Variants in ALDH8A1 observed in about 807,000 individuals in gnomAD.
The protein encoded by ALDH8A1 is 2-aminomuconic semialdehyde dehydrogenase.
A neutral mutation model predicts 43.3 loss-of-function variants in ALDH8A1; 39 were observed. That is an observed-to-expected ratio of 0.90 (90% CI 0.70 to 1.18). The LOEUF (loss-of-function observed/expected upper bound fraction) is 1.18. ALDH8A1 is among the 50% of genes most tolerant of loss of function. The pLI, the probability that ALDH8A1 is intolerant of heterozygous loss-of-function variation, is 0.00. For missense variants in ALDH8A1, 605 were observed against 622.6 expected, an observed-to-expected ratio of 0.97 and a Z score of 0.30; for synonymous variants, 233 against 243.5, an observed-to-expected ratio of 0.96 and a Z score of 0.40.
At position 134,932,765 on chromosome 6, in the gene ALDH8A1, C is replaced by T. The variant is rs751879096; in HGVS notation, c.849+11G>A. Reference sequence around the variant, plus strand: ...CATGGAGGGGAGGGAGAAGAACCCCCGGGGACATACCTGGTTGGCAAAGCT... The same window carrying T: ...CATGGAGGGGAGGGAGAAGAACCCCTGGGGACATACCTGGTTGGCAAAGCT... On this transcript the variant is annotated intron_variant, in intron 5 of 6. Coordinates refer to ENST00000265605, the MANE Select transcript of ALDH8A1 (RefSeq NM_022568.4). The T allele has an allele frequency of 4.2e-5, 67 of 1,612,606 alleles. No homozygotes were observed. The highest frequency in any genetic ancestry group is 9.9e-5 in the South Asian group (9 of 90,834).
intron 5 of ALDH8A1, among the ~76,000 whole-genome samples, chr6:134,929,656 G>A (rs1427223884): frequency 6.6e-6 from 1 of 152,126 alleles, no homozygotes; most frequent in African/African-American, 2.4e-5. Flanking sequence ...ATGAACTGGT[G>A]TGCATGAGGA....
intron 2 of ALDH8A1, among the ~76,000 whole-genome samples, chr6:134,943,562 A>C (rs1773898388): frequency 6.6e-6 from 1 of 152,236 alleles, no homozygotes; most frequent in East Asian, 1.9e-4. Context: ...CCTTTCATCC[A>C]ATGAACAGAG....
intron 1 of ALDH8A1, chr6:134,944,216 T>C: frequency 5.0e-6 from 2 of 397,122 alleles, no homozygotes; most frequent in South Asian, 4.0e-5. Flanking sequence ...TACAGGCATG[T>C]GCCACCATGC....
At chr6:134,938,620 T>C (rs141166098) in intron 4 of ALDH8A1, among the ~76,000 whole-genome samples, 23 of 40,218 alleles carry the variant, frequency 5.7e-4, no homozygotes, top group African/African-American at 1.3e-3. Flanking sequence ...TTCAAGATTT[T>C]ATTTTATTAT....
chr6:134,946,894 A>G (rs1356356926), intron 1 of ALDH8A1, among the ~76,000 whole-genome samples: 1 of 152,134 alleles, frequency 6.6e-6, no homozygotes, highest in Non-Finnish European at 1.5e-5. Flanking sequence ...GGATCATAAT[A>G]GAGACTTCTA....
chr6:134,923,264 A>G (rs1776834325), intron 6 of ALDH8A1, among the ~76,000 whole-genome samples: 1 of 152,046 alleles, frequency 6.6e-6, no homozygotes, highest in Non-Finnish European at 1.5e-5. Context: ...ACCTGGGCTC[A>G]AGTGATCTTC....
At chr6:134,927,359 G>A (rs1213363564) in intron 6 of ALDH8A1, among the ~76,000 whole-genome samples, 1 of 152,050 alleles carries the variant, frequency 6.6e-6, no homozygotes, top group Admixed American at 6.6e-5. Flanking sequence ...GGAACATACT[G>A]GGCATCAAAA....
At chr6:134,933,370 C>G (rs943167695) in intron 4 of ALDH8A1, among the ~76,000 whole-genome samples, 1 of 152,160 alleles carries the variant, frequency 6.6e-6, no homozygotes, top group Admixed American at 6.5e-5. Context: ...TCAGGCAGGT[C>G]AAGCCCACTA....
At chr6:134,944,041 C>A in intron 1 of ALDH8A1, 75 bp from the exon 2 acceptor site, 1 of 1,496,780 alleles carries the variant, frequency 6.7e-7, no homozygotes, top group South Asian at 1.3e-5. Context: ...CCAGAATCCT[C>A]AGGTCTCCAC....
In ALDH8A1 at chr6:134,939,282, T is replaced by C; in HGVS notation, c.576A>G (p.Lys192=). 6.2e-7 allele frequency: 1 copy of C among 1,613,232 alleles called. No homozygotes were observed. Among genetic ancestry groups the C allele is most frequent in the South Asian group, 1.1e-5 (1 of 91,006 alleles). The change falls in exon 4 of 7, where the codon AAA becomes AAG. Residue 192 remains lysine, a synonymous_variant. Coordinates refer to ENST00000265605, the MANE Select transcript of ALDH8A1 (RefSeq NM_022568.4). The part of the protein sequence containing the change: ...LTSVTAWMLC[K]LLDKAGVPPG... ...CCTAATTACCTGCTTTATCCAGGAGTTTGCACAACATCCACGCAGTCACTG... is the reference window on the plus strand; with the variant it reads ...CCTAATTACCTGCTTTATCCAGGAGCTTGCACAACATCCACGCAGTCACTG...
intron 5 of ALDH8A1, among the ~76,000 whole-genome samples, chr6:134,930,784 C>T (rs534981025): frequency 2.6e-5 from 4 of 152,256 alleles, no homozygotes; most frequent in South Asian, 2.1e-4. Context: ...GCCTAGAAAG[C>T]GTAGGTAAGC....
intron 5 of ALDH8A1, among the ~76,000 whole-genome samples, chr6:134,930,463 G>A (rs1161478069): frequency 6.6e-6 from 1 of 152,200 alleles, no homozygotes; most frequent in Non-Finnish European, 1.5e-5. Flanking sequence ...CATTATTTAT[G>A]CATGAAAAGT....
intron 6 of ALDH8A1, among the ~76,000 whole-genome samples, chr6:134,926,281 C>G (rs1776882010): frequency 6.8e-6 from 1 of 146,110 alleles, no homozygotes; most frequent in African/African-American, 2.6e-5. Context: ...GAAACTGCAA[C>G]CTCCACCTCC....
At chr6:134,949,221 A>G (rs1375544567) in intron 1 of ALDH8A1, among the ~76,000 whole-genome samples, 1 of 152,204 alleles carries the variant, frequency 6.6e-6, no homozygotes, top group Non-Finnish European at 1.5e-5. Context: ...AGATATATTT[A>G]CATTCTCAGT....
rs1776730253 is a variant in ALDH8A1 at position 134,917,799 on chromosome 6, A to G, written c.*616T>C. 6.6e-6 allele frequency: 1 copy of G among 152,102 alleles called. No homozygotes were observed. The highest frequency in any genetic ancestry group is 1.5e-5 in the Non-Finnish European group (1 of 68,098). 9.4% of individuals were successfully genotyped at this position (152,102 alleles called of 1,614,324 possible). ...TTTTTTAAAGACAAGGTCTCACTGT[A>G]TCCCCCAGGCTGAAATGCAGTGGAA... On this transcript the variant is annotated 3_prime_UTR_variant, in exon 7 of 7. Transcript: ENST00000265605.
At chr6:134,931,945 G>T (rs1776992596) in intron 5 of ALDH8A1, among the ~76,000 whole-genome samples, 2 of 152,200 alleles carry the variant, frequency 1.3e-5, no homozygotes, top group African/African-American at 4.8e-5. Flanking sequence ...TGTTACCTGA[G>T]TTAGCTCAAT....
intron 1 of ALDH8A1, among the ~76,000 whole-genome samples, chr6:134,945,963 T>A (rs772911685): frequency 3.9e-5 from 6 of 152,180 alleles, no homozygotes; most frequent in Non-Finnish European, 8.8e-5. Context: ...GTTTTATAAA[T>A]GGTAGTTTTT....
Position 134,918,770 on chromosome 6 carries a change from C to G in ALDH8A1, c.1109G>C (p.Gly370Ala). Residue 370 changes from glycine (G) to alanine (A), a missense_variant, in exon 7 of 7, where the codon GGC becomes GCC. Gly to Ala is a moderately conservative substitution (Grantham distance 60, BLOSUM62 0). Transcript: ENST00000265605. ...KLSLPARNQAGYFMLPTVITD... is the reference protein window; with the variant it reads ...KLSLPARNQAAYFMLPTVITD... ...TATCACCGTGGGAAGCATAAAGTAG[C>G]CTGCCTGGTTCCTGGCAGGGAGGCT... The G allele has an allele frequency of 1.2e-6, 2 of 1,614,206 alleles. No individual in the cohort carries two copies. Among genetic ancestry groups the G allele is most frequent in the Non-Finnish European group, 1.7e-6 (2 of 1,180,042 alleles).
In ALDH8A1 at chr6:134,930,399, A is replaced by G. The variant is rs150125710; in HGVS notation, c.850-1184T>C. Among the ~76,000 whole-genome samples the G allele has an allele frequency of 6.1e-3, 925 of 152,328 alleles. 11 individuals carry two copies. The highest frequency in any genetic ancestry group is 0.021 in the African/African-American group (870 of 41,572). Reference sequence around the variant, plus strand: ...AATAACCCTATCATTTGAACATAGCATGTAACAGTTTAGACTTAGAGTTGG... The same window carrying G: ...AATAACCCTATCATTTGAACATAGCGTGTAACAGTTTAGACTTAGAGTTGG... On this transcript the variant is annotated intron_variant, in intron 5 of 6. Transcript: ENST00000265605.
Sources: allele counts gnomAD v4.1 joint callset (sites outside exome capture counted in the v4.1 genomes callset), GRCh38; gene constraint gnomAD v4.1.1; transcripts MANE v1.5; gene names NCBI Gene and HGNC (gene_info 2026-07-23, HGNC 2026-07-21).